Variants in KPNA6 observed in about 807,000 individuals in gnomAD.
The protein encoded by KPNA6 is karyopherin subunit alpha 6.
A neutral mutation model predicts 72.0 loss-of-function variants in KPNA6; 9 were observed. The observed-to-expected ratio is 0.13, with a 90% CI of 0.08 to 0.22. The LOEUF is 0.22. Ranked by LOEUF, KPNA6 falls within the 10% of genes least tolerant of loss-of-function variation. The pLI is 1.00. For synonymous variants in KPNA6, 219 were observed against 242.1 expected, an observed-to-expected ratio of 0.90 and a Z score of 0.89; for missense variants, 374 against 655.7, an observed-to-expected ratio of 0.57 and a Z score of 4.69.
rs781559441 is a variant in KPNA6 at position 32,158,281 on chromosome 1, A to G, written c.346A>G (p.Ile116Val). Residue 116 changes from isoleucine to valine, a missense_variant, in exon 5 of 14, where the codon ATA becomes GTA. Transcript: ENST00000373625. ...CCCTTATCCAGAGCCTAGTCCTCCAATAGATGAAGTTATCAACACTCCAAG... is the reference window on the plus strand; with the variant it reads ...CCCTTATCCAGAGCCTAGTCCTCCAGTAGATGAAGTTATCAACACTCCAAG... Reference protein sequence around the residue: ...KLLSKEPSPPIDEVINTPRVV... With the variant: ...KLLSKEPSPPVDEVINTPRVV... The G allele has an allele frequency of 1.8e-5, 29 of 1,612,142 alleles. No homozygotes were observed. In the East Asian group the frequency reaches 6.2e-4, roughly 35 times the overall value.
At chr1:32,141,643 C>T (rs561534001) in intron 1 of KPNA6, among the ~76,000 whole-genome samples, 10 of 151,902 alleles carry the variant, frequency 6.6e-5, no homozygotes, top group South Asian at 4.2e-4. Context: ...ATGATCCACC[C>T]GCCTCAGCCT....
intron 1 of KPNA6, among the ~76,000 whole-genome samples, chr1:32,141,334 T>G (rs1641831870): frequency 6.6e-6 from 1 of 151,024 alleles, no homozygotes; most frequent in African/African-American, 2.4e-5. Context: ...AGCCTCAGTT[T>G]TTTCATTTAT....
rs1316454300 is a variant in KPNA6, at chr1:32,163,217, G to C, written c.912-18G>C. On this transcript the variant is annotated intron_variant, in intron 9 of 13. Coordinates refer to ENST00000373625, the MANE Select transcript of KPNA6 (RefSeq NM_012316.5). ...AAATGGTGTGCTGGCCTTCTGATCA[G>C]ATCTCCCTCCTCTGTAGGCACAATG... is the stretch of plus-strand genomic sequence containing the variant. The C allele has an allele frequency of 6.3e-7, 1 of 1,587,604 alleles. No homozygotes were observed.
At chr1:32,143,130 A>C in intron 1 of KPNA6, 1 of 588,562 alleles carries the variant, frequency 1.7e-6, no homozygotes, top group Non-Finnish European at 2.9e-6. Flanking sequence ...AGGTGCAGAC[A>C]CAGCTCACTT....
chr1:32,173,781 C>G lies in KPNA6; in HGVS notation c.*2887C>G, dbSNP rs892639983. 5 of 152,224 alleles carry G rather than the reference C, an allele frequency of 3.3e-5. No homozygotes were observed. The highest frequency in any genetic ancestry group is 7.3e-5 in the Non-Finnish European group (5 of 68,062). The allele number at this position is 152,224 out of a possible 1,614,324, so 9.4% of individuals were successfully genotyped here. A position where few individuals can be genotyped will look rare whatever the true frequency, so the allele number is the denominator to read the frequency against. On this transcript the variant is annotated 3_prime_UTR_variant, in exon 14 of 14. Transcript: ENST00000373625. Reference sequence around the variant, plus strand: ...TGGTTATTGCCAGGATGGAGCCCCTCTACCCCAGTCTGCTGTAGGGAATAC... The same window carrying G: ...TGGTTATTGCCAGGATGGAGCCCCTGTACCCCAGTCTGCTGTAGGGAATAC...
chr1:32,167,416 T>A, intron 12 of KPNA6, 120 bp downstream of exon 12: 2 of 1,089,296 alleles, frequency 1.8e-6, no homozygotes, highest in Non-Finnish European at 2.7e-6. Flanking sequence ...AGTCTCACTG[T>A]AATAGAATTT....
chr1:32,122,112 A>G (rs535635695), intron 1 of KPNA6, among the ~76,000 whole-genome samples: 23 of 152,174 alleles, frequency 1.5e-4, no homozygotes, highest in Admixed American at 1.4e-3. Flanking sequence ...CGTCTGTACT[A>G]AAAATACAAA....
At position 32,174,976 on chromosome 1, in the gene KPNA6, A is replaced by T. The variant is rs187946978; in HGVS notation, c.*4082A>T. ...GCTTTTTCATTCTTTTGTTAAGCCA[A>T]CAAGTTGAGAATTTGGCCCTGCTGG... On this transcript the variant is annotated 3_prime_UTR_variant, in exon 14 of 14. Transcript: ENST00000373625. 2 of 152,354 alleles carry T rather than the reference A, an allele frequency of 1.3e-5. No homozygotes were observed. Among genetic ancestry groups the T allele is most frequent in the East Asian group, 3.9e-4 (2 of 5,192 alleles). The allele number at this position is 152,354 out of a possible 1,614,324, so 9.4% of individuals were successfully genotyped here.
chr1:32,162,448 C>A lies in KPNA6; in HGVS notation c.835C>A (p.Leu279Met), dbSNP rs749527358. The part of the protein sequence containing the change: ...LADACWALSY[L>M]SDGPNEKIQA... ...AGATGCTTGCTGGGCCCTTTCTTAT[C>A]TGTCTGATGGCCCCAATGAGAAGAT... The change falls in exon 9 of 14, where the codon CTG (leucine) becomes ATG (methionine). Residue 279 changes from leucine (L) to methionine (M), a missense_variant. Transcript: ENST00000373625. The A allele has an allele frequency of 1.4e-5, 23 of 1,614,024 alleles. No homozygotes were observed. The highest frequency in any genetic ancestry group is 2.2e-5 in the South Asian group (2 of 91,080).
chr1:32,124,822 T>G (rs1641504808), intron 1 of KPNA6, among the ~76,000 whole-genome samples: 1 of 150,644 alleles, frequency 6.6e-6, no homozygotes, highest in Admixed American at 6.6e-5. Context: ...CGTCTTTTTT[T>G]AAGAGCTGTT....
chr1:32,118,922 C>A (rs577493384), intron 1 of KPNA6, among the ~76,000 whole-genome samples: 1 of 144,790 alleles, frequency 6.9e-6, no homozygotes, highest in African/African-American at 2.6e-5. Flanking sequence ...TAATTAATAG[C>A]TGTTAATCAC....
intron 1 of KPNA6, among the ~76,000 whole-genome samples, chr1:32,124,695 C>T (rs540054742): frequency 1.3e-5 from 2 of 150,276 alleles, no homozygotes; most frequent in East Asian, 2.0e-4. Context: ...TTAGTAGAGA[C>T]GGGGTTTCAC....
intron 2 of KPNA6, among the ~76,000 whole-genome samples, chr1:32,156,457 A>G (rs1452807037): frequency 1.3e-5 from 2 of 152,170 alleles, no homozygotes; most frequent in Non-Finnish European, 2.9e-5. Context: ...AACACAAGCA[A>G]TTGCCACCTG....
chr1:32,148,878 A>G (rs558644635), intron 1 of KPNA6, among the ~76,000 whole-genome samples: 17 of 147,656 alleles, frequency 1.2e-4, no homozygotes, highest in Non-Finnish European at 2.5e-4. Flanking sequence ...TTTTCAATAG[A>G]GATGAGATCT....
Position 32,171,246 on chromosome 1 carries a change from T to G in KPNA6, c.*352T>G. Reference sequence around the variant, plus strand: ...CCTTTTTTTATTTTTATTTTTTTTCTTTTTTTCTTCAGTGGTGACTTCCTT... The same window carrying G: ...CCTTTTTTTATTTTTATTTTTTTTCGTTTTTTCTTCAGTGGTGACTTCCTT... On this transcript the variant is annotated 3_prime_UTR_variant, in exon 14 of 14. Coordinates refer to ENST00000373625, the MANE Select transcript of KPNA6 (RefSeq NM_012316.5). 1 of 198,802 alleles carries G rather than the reference T, an allele frequency of 5.0e-6. No homozygotes were observed. The allele number at this position is 198,802 out of a possible 1,614,324, so 12.3% of individuals were successfully genotyped here. A position where few individuals can be genotyped will look rare whatever the true frequency, so the allele number is the denominator to read the frequency against.
intron 1 of KPNA6, chr1:32,143,090 A>G: frequency 3.1e-6 from 3 of 969,994 alleles, no homozygotes; most frequent in Middle Eastern, 2.4e-4. Context: ...TTAGTCTCAC[A>G]GGGATAATCG....
At position 32,170,820 on chromosome 1, in the gene KPNA6, C is replaced by T; in HGVS notation, c.1537C>T (p.Pro513Ser). 1.9e-6 allele frequency: 3 copies of T among 1,614,162 alleles called. No homozygotes were observed. Among genetic ancestry groups the T allele is most frequent in the Non-Finnish European group, 2.5e-6 (3 of 1,180,024 alleles). The part of the protein sequence containing the change: ...GVEDDDSSLA[P>S]QVDETQQQFI... ...AGAAGACGATGATAGCAGCCTGGCTCCCCAAGTCGATGAAACGCAACAGCA... is the reference window on the plus strand; with the variant it reads ...AGAAGACGATGATAGCAGCCTGGCTTCCCAAGTCGATGAAACGCAACAGCA... Residue 513 changes from proline (P) to serine (S), a missense_variant, in exon 14 of 14, where the codon CCC becomes TCC. By Grantham distance (74) the Pro-to-Ser change is moderately conservative (BLOSUM62 -1). Transcript: ENST00000373625.
At chr1:32,125,471 G>C (rs1416412583) in intron 1 of KPNA6, among the ~76,000 whole-genome samples, 2 of 151,594 alleles carry the variant, frequency 1.3e-5, no homozygotes, top group Admixed American at 1.3e-4. Flanking sequence ...GAGATCCAGC[G>C]ATCAATCAAG....
In KPNA6 at chr1:32,171,011, C is replaced by G; in HGVS notation, c.*117C>G. 5.7e-6 allele frequency: 5 copies of G among 873,544 alleles called. No individual in the cohort carries two copies. The highest frequency in any genetic ancestry group is 9.0e-6 in the Non-Finnish European group (5 of 557,856). The allele number at this position is 873,544 out of a possible 1,614,324, so 54.1% of individuals were successfully genotyped here. Reference sequence around the variant, plus strand: ...TCAGCCACCACACACCTCTGCTGCCCTGGAGACTGTGCTCTTGACCTGCTC... The same window carrying G: ...TCAGCCACCACACACCTCTGCTGCCGTGGAGACTGTGCTCTTGACCTGCTC... On this transcript the variant is annotated 3_prime_UTR_variant, in exon 14 of 14. Coordinates refer to ENST00000373625, the MANE Select transcript of KPNA6 (RefSeq NM_012316.5).
Sources: allele counts gnomAD v4.1 joint callset (sites outside exome capture counted in the v4.1 genomes callset), GRCh38; gene constraint gnomAD v4.1.1; transcripts MANE v1.5; gene names NCBI Gene and HGNC (gene_info 2026-07-23, HGNC 2026-07-21).